Variants in ADGRL2 observed in about 807,000 individuals in gnomAD.
ADGRL2 encodes adhesion G protein-coupled receptor L2.
ADGRL2 carries 44 observed loss-of-function variants against 157.4 expected under a neutral mutation model. That is an observed-to-expected ratio of 0.28 (90% CI 0.22 to 0.36). The LOEUF is 0.36. ADGRL2 is among the 10% of genes least tolerant of loss of function. ADGRL2 has a pLI of 1.00. For synonymous variants in ADGRL2, 585 were observed against 624.7 expected, an observed-to-expected ratio of 0.94 and a Z score of 0.95; for missense variants, 1,510 against 1,768.9, an observed-to-expected ratio of 0.85 and a Z score of 2.63.
Position 81,992,488 on chromosome 1 carries a change from T to TAA in ADGRL2, c.*1343_*1344insAA, listed in dbSNP as rs1664734790. ...TTAACATGTTGGTCCATTCCCACCT[T>TAA]GGTTTAAGTAACGTCATACCAAAGT... On this transcript the variant is annotated 3_prime_UTR_variant, in exon 24 of 24. Transcript: ENST00000686636. 1 of 152,562 alleles carries TAA rather than the reference T, an allele frequency of 6.6e-6. No individual in the cohort carries two copies. Among genetic ancestry groups the TAA allele is most frequent in the Non-Finnish European group, 1.5e-5 (1 of 68,032 alleles). 9.5% of individuals were successfully genotyped at this position (152,562 alleles called of 1,614,324 possible).
At chr1:81,937,052 G>T (rs1377603845) in intron 4 of ADGRL2, among the ~76,000 whole-genome samples, 1 of 151,894 alleles carries the variant, frequency 6.6e-6, no homozygotes, top group Admixed American at 6.6e-5. Context: ...TTAAGTGTTT[G>T]GCTTTTAAGG....
At chr1:81,656,908 G>C (rs2082545811) in intron 3 of ADGRL2, among the ~76,000 whole-genome samples, 1 of 151,530 alleles carries the variant, frequency 6.6e-6, no homozygotes, top group South Asian at 2.1e-4. Flanking sequence ...TACTCAGGAG[G>C]CTGAGGTGGG....
intron 1 of ADGRL2, among the ~76,000 whole-genome samples, chr1:81,340,840 A>G (rs1662017714): frequency 6.6e-6 from 1 of 152,164 alleles, no homozygotes. Flanking sequence ...TTGATGCCCA[A>G]TAAATTCAAG....
chr1:81,627,046 G>A (rs1570674816), intron 3 of ADGRL2, among the ~76,000 whole-genome samples: 1 of 151,950 alleles, frequency 6.6e-6, no homozygotes, highest in East Asian at 1.9e-4. Context: ...CCACTTCAAA[G>A]GGTTTTTGTA....
intron 2 of ADGRL2, among the ~76,000 whole-genome samples, chr1:81,464,056 A>G (rs1386421136): frequency 6.6e-6 from 1 of 152,122 alleles, no homozygotes; most frequent in Non-Finnish European, 1.5e-5. Context: ...ATACATACAC[A>G]TCATCATGTT....
At chr1:81,654,329 T>C (rs2082484910) in intron 3 of ADGRL2, among the ~76,000 whole-genome samples, 1 of 152,210 alleles carries the variant, frequency 6.6e-6, no homozygotes. Context: ...CCTTGAGTCA[T>C]CTTTTGTTTG....
chr1:81,942,073 C>T, intron 5 of ADGRL2, 28 bp downstream of exon 5: 1 of 764,972 alleles, frequency 1.3e-6, no homozygotes, highest in South Asian at 1.4e-5. Flanking sequence ...TGAACCCCAG[C>T]TCCCTGTTAT....
At chr1:81,522,249 G>A (rs1405326453) in intron 2 of ADGRL2, among the ~76,000 whole-genome samples, 1 of 152,106 alleles carries the variant, frequency 6.6e-6, no homozygotes, top group Non-Finnish European at 1.5e-5. Flanking sequence ...ACAGGTGTGA[G>A]CCACTGTGCC....
At chr1:81,669,804 A>G (rs372136129) in intron 3 of ADGRL2, among the ~76,000 whole-genome samples, 16 of 152,052 alleles carry the variant, frequency 1.1e-4, no homozygotes, top group South Asian at 4.2e-4. Context: ...TTAGCCAGGC[A>G]TGGTGGCTGG....
chr1:81,492,519 G>A (rs904674804), intron 2 of ADGRL2, among the ~76,000 whole-genome samples: 1 of 152,094 alleles, frequency 6.6e-6, no homozygotes, highest in Non-Finnish European at 1.5e-5. Context: ...TTAGATTATT[G>A]CTAGAAAAAA....
chr1:81,864,308 CA>C (rs1557799988), intron 2 of ADGRL2, among the ~76,000 whole-genome samples: 16 of 152,044 alleles, frequency 1.1e-4, no homozygotes, highest in African/African-American at 3.6e-4. Context: ...CTGAAGTCAG[CA>C]TATATATCAG....
intron 1 of ADGRL2, among the ~76,000 whole-genome samples, chr1:81,356,082 A>G (rs1663264348): frequency 6.6e-6 from 1 of 152,202 alleles, no homozygotes; most frequent in Admixed American, 6.5e-5. Context: ...ATGATTTGCC[A>G]GTGGGAAGAG....
At chr1:81,749,907 A>C (rs1211376504) in intron 1 of ADGRL2, among the ~76,000 whole-genome samples, 1 of 152,182 alleles carries the variant, frequency 6.6e-6, no homozygotes, top group African/African-American at 2.4e-5. Flanking sequence ...TCCCTGAGAA[A>C]CAAGCCAGTA....
At chr1:81,926,324 C>T (rs1417972735) in intron 3 of ADGRL2, among the ~76,000 whole-genome samples, 3 of 151,874 alleles carry the variant, frequency 2.0e-5, no homozygotes, top group African/African-American at 4.8e-5. Flanking sequence ...AAATAACCCA[C>T]GACAAAAGGG....
At chr1:81,718,805 A>G (rs2084202785) in intron 1 of ADGRL2, among the ~76,000 whole-genome samples, 1 of 152,186 alleles carries the variant, frequency 6.6e-6, no homozygotes, top group Non-Finnish European at 1.5e-5. Context: ...AATGAACAGA[A>G]TATTTTTCTA....
chr1:81,892,876 A>G (rs284212), intron 2 of ADGRL2, among the ~76,000 whole-genome samples: 10,701 of 152,142 alleles, frequency 0.07, 1,130 homozygotes, highest in African/African-American at 0.23. Context: ...TTTAGAAGGG[A>G]CTGTTGTGGG....
chr1:81,754,770 T>A (rs1276475807), intron 1 of ADGRL2, among the ~76,000 whole-genome samples: 1 of 150,930 alleles, frequency 6.6e-6, no homozygotes, highest in East Asian at 2.0e-4. Flanking sequence ...ACATGCAACT[T>A]TCTTGCTTTG....
At chr1:81,704,178 G>A (rs1317888512) in intron 1 of ADGRL2, among the ~76,000 whole-genome samples, 1 of 152,162 alleles carries the variant, frequency 6.6e-6, no homozygotes, top group Non-Finnish European at 1.5e-5. Context: ...ACCAAATTCA[G>A]GGCAGCCATC....
rs184869032 is a variant in ADGRL2, at chr1:81,940,865, G to A, written c.398-1169G>A. On this transcript the variant is annotated intron_variant, in intron 4 of 23. Transcript: ENST00000686636. ...TTATGGTTTGTAAGTATTAGAATAC[G>A]GTTTACCAACAAGGATCTTACATAG... Among the ~76,000 whole-genome samples, 8 of 150,814 alleles carry A rather than the reference G, an allele frequency of 5.3e-5. No homozygotes were observed. The East Asian group carries it at 5.8e-4, about 11-fold the overall frequency.
Sources: gnomAD v4.1 joint callset for allele counts (sites outside exome capture counted in the v4.1 genomes callset) on GRCh38, gnomAD v4.1.1 for gene constraint, MANE v1.5 for transcripts, NCBI Gene and HGNC (gene_info 2026-07-23, HGNC 2026-07-21) for gene names.